Variants in KCNH7 observed in about 807,000 individuals in gnomAD.
The protein encoded by KCNH7 is voltage-gated inwardly rectifying potassium channel KCNH7.
Under a neutral mutation model 120.8 loss-of-function variants are expected in KCNH7, and 49 were observed. The ratio of observed to expected loss-of-function variants is 0.41; its 90% confidence interval spans 0.32 to 0.51. The LOEUF (loss-of-function observed/expected upper bound fraction) is 0.51. Ranked by LOEUF, KCNH7 falls within the 20% of genes least tolerant of loss-of-function variation. The probability of loss-of-function intolerance (pLI) is 0.38; values close to 1 mark genes in which losing one functional copy is unlikely to be tolerated. For missense variants in KCNH7, 1,097 were observed against 1,446.6 expected, an observed-to-expected ratio of 0.76 and a Z score of 3.92; for synonymous variants, 547 against 516.1, an observed-to-expected ratio of 1.06 and a Z score of -0.81.
At chr2:162,811,452 C>A (rs939150039) in intron 2 of KCNH7, among the ~76,000 whole-genome samples, 2 of 151,976 alleles carry the variant, frequency 1.3e-5, no homozygotes, top group Non-Finnish European at 2.9e-5. Flanking sequence ...CTCCTTCTGG[C>A]AATTTTTTGA....
In KCNH7 at chr2:162,492,502, C is replaced by T. The variant is rs1195156915; in HGVS notation, c.1128+11941G>A. On this transcript the variant is annotated intron_variant, in intron 6 of 15. Coordinates refer to ENST00000332142, the MANE Select transcript of KCNH7 (RefSeq NM_033272.4). ...GGTTAATACCTTTGTGACTTTTTAC[C>T]ATTTGGTGATTATCTTCCCCTCCAT... 2.0e-5 allele frequency among the ~76,000 whole-genome samples: 3 copies of T among 152,242 alleles called. No individual in the cohort carries two copies. The East Asian group carries it at 5.8e-4, about 29-fold the overall frequency.
chr2:162,385,089 G>A, intron 12 of KCNH7, 150 bp from the exon 13 acceptor site: 2 of 542,978 alleles, frequency 3.7e-6, no homozygotes, highest in East Asian at 3.0e-5. Context: ...TTAAATTCAA[G>A]GGTTATTAGA....
At chr2:162,719,214 A>C (rs1687239383) in intron 2 of KCNH7, among the ~76,000 whole-genome samples, 1 of 152,030 alleles carries the variant, frequency 6.6e-6, no homozygotes, top group African/African-American at 2.4e-5. Flanking sequence ...GGAGCTTGCT[A>C]TTTCAAAGAA....
chr2:162,562,810 T>C (rs1693120588), intron 2 of KCNH7, among the ~76,000 whole-genome samples: 1 of 152,158 alleles, frequency 6.6e-6, no homozygotes, highest in South Asian at 2.1e-4. Context: ...TTTAGAAAGG[T>C]GTGGTTTAAA....
chr2:162,599,343 A>G (rs1192298602), intron 2 of KCNH7, among the ~76,000 whole-genome samples: 1 of 152,066 alleles, frequency 6.6e-6, no homozygotes, highest in African/African-American at 2.4e-5. Context: ...CTACAAGATG[A>G]CATTATTCTG....
chr2:162,546,034 G>A (rs1363994132), intron 2 of KCNH7, among the ~76,000 whole-genome samples: 1 of 152,110 alleles, frequency 6.6e-6, no homozygotes, highest in Non-Finnish European at 1.5e-5. Context: ...GATTAACAGT[G>A]GACAAATTAT....
intron 2 of KCNH7, among the ~76,000 whole-genome samples, chr2:162,709,821 C>T (rs546399802): frequency 1.3e-5 from 2 of 152,150 alleles, no homozygotes; most frequent in African/African-American, 2.4e-5. Flanking sequence ...TTAGAAATAC[C>T]TTTCCTCCCT....
At chr2:162,685,257 A>G (rs1685848409) in intron 2 of KCNH7, among the ~76,000 whole-genome samples, 1 of 152,066 alleles carries the variant, frequency 6.6e-6, no homozygotes, top group African/African-American at 2.4e-5. Flanking sequence ...TAACAGGTTG[A>G]TGGGTGCAGC....
chr2:162,710,789 T>G (rs73014117), intron 2 of KCNH7, among the ~76,000 whole-genome samples: 5,668 of 152,236 alleles, frequency 0.037, 339 homozygotes, highest in African/African-American at 0.13. Context: ...ATAGACTTAG[T>G]GCAACCAGAT....
chr2:162,810,428 T>A (rs986109985), intron 2 of KCNH7, among the ~76,000 whole-genome samples: 2 of 152,180 alleles, frequency 1.3e-5, no homozygotes, highest in Admixed American at 6.5e-5. Context: ...CGTCAGGAAT[T>A]TGGCATCACA....
chr2:162,456,337 A>G lies in KCNH7; in HGVS notation c.1129-9894T>C, dbSNP rs570697466. 6.8e-5 allele frequency among the ~76,000 whole-genome samples: 10 copies of G among 147,874 alleles called. No homozygotes were observed. The South Asian group carries it at 2.1e-3, about 31-fold the overall frequency. ...ATTTCCATAATACATAATGGAAATT[A>G]TAATTTATACATTATACAAATTATA... is the stretch of plus-strand genomic sequence containing the variant. On this transcript the variant is annotated intron_variant, in intron 6 of 15. Transcript: ENST00000332142.
At chr2:162,716,887 C>A (rs1687141090) in intron 2 of KCNH7, among the ~76,000 whole-genome samples, 1 of 152,052 alleles carries the variant, frequency 6.6e-6, no homozygotes, top group African/African-American at 2.4e-5. Context: ...ATATTATTTT[C>A]TTATATTTAT....
At chr2:162,382,688 G>T (rs981405322) in intron 13 of KCNH7, among the ~76,000 whole-genome samples, 8 of 151,906 alleles carry the variant, frequency 5.3e-5, no homozygotes, top group Non-Finnish European at 7.4e-5. Context: ...TCCTATTGAT[G>T]GTGAAACTAA....
At position 162,423,097 on chromosome 2, in the gene KCNH7, C is replaced by T. The variant is rs558682405; in HGVS notation, c.2154+239G>A. On this transcript the variant is annotated intron_variant, in intron 9 of 15. Transcript: ENST00000332142. ...CTCACCAGAAGTGGGAACTCTACTACACACAGTTATATCAGTTTGCATCAT... is the reference window on the plus strand; with the variant it reads ...CTCACCAGAAGTGGGAACTCTACTATACACAGTTATATCAGTTTGCATCAT... 2.7e-5 allele frequency: 22 copies of T among 809,916 alleles called. No homozygotes were observed. In the East Asian group the frequency reaches 5.4e-4, roughly 20 times the overall value. 50.2% of individuals were successfully genotyped at this position (809,916 alleles called of 1,614,324 possible). A position where few individuals can be genotyped will look rare whatever the true frequency, so the allele number is the denominator to read the frequency against.
intron 8 of KCNH7, among the ~76,000 whole-genome samples, chr2:162,425,979 T>C (rs7423570): frequency 0.15 from 22,450 of 152,032 alleles, 4,394 homozygotes; most frequent in African/African-American, 0.44. Flanking sequence ...TTTGGGAGGC[T>C]GAGGCAGGTG....
At chr2:162,831,917 T>C (rs1685492875) in intron 2 of KCNH7, among the ~76,000 whole-genome samples, 1 of 152,116 alleles carries the variant, frequency 6.6e-6, no homozygotes, top group Admixed American at 6.6e-5. Context: ...TCAGCCACAG[T>C]TTTAGGACAT....
rs182008996 is a variant in KCNH7, at chr2:162,416,649, T to C, written c.2154+6687A>G. Among the ~76,000 whole-genome samples, 5 of 152,244 alleles carry C rather than the reference T, an allele frequency of 3.3e-5. No individual in the cohort carries two copies. In the East Asian group the frequency reaches 9.7e-4, roughly 29 times the overall value. ...GCTTTGTGTGGGTTGCACAGCATAC[T>C]GATCTAAGAAGATTAACAGAAGAGA... On this transcript the variant is annotated intron_variant, in intron 9 of 15. Coordinates refer to ENST00000332142, the MANE Select transcript of KCNH7 (RefSeq NM_033272.4).
At chr2:162,575,299 T>C (rs1693632759) in intron 2 of KCNH7, among the ~76,000 whole-genome samples, 1 of 152,090 alleles carries the variant, frequency 6.6e-6, no homozygotes, top group Non-Finnish European at 1.5e-5. Flanking sequence ...CAATCATGGT[T>C]CTCTTCCCGC....
rs190965356 is a variant in KCNH7 at position 162,446,482 on chromosome 2, G to A, written c.1129-39C>T. ...AGAAAATCATACACTACATAAATAT[G>A]CCATTTTTAATCTGGTAAACCTATC... is the stretch of plus-strand genomic sequence containing the variant. On this transcript the variant is annotated intron_variant, in intron 6 of 15. Coordinates refer to ENST00000332142, the MANE Select transcript of KCNH7 (RefSeq NM_033272.4). 41 of 1,459,428 alleles carry A rather than the reference G, an allele frequency of 2.8e-5. No individual in the cohort carries two copies. The East Asian group carries it at 9.5e-4, about 34-fold the overall frequency. 90.4% of individuals were successfully genotyped at this position (1,459,428 alleles called of 1,614,324 possible).
Sources: allele counts gnomAD v4.1 joint callset (sites outside exome capture counted in the v4.1 genomes callset), GRCh38; gene constraint gnomAD v4.1.1; transcripts MANE v1.5; gene names NCBI Gene and HGNC (gene_info 2026-07-23, HGNC 2026-07-21).